Variants in SLC4A4 observed in about 807,000 individuals in gnomAD.
SLC4A4 encodes electrogenic sodium bicarbonate cotransporter 1.
SLC4A4 carries 27 observed loss-of-function variants against 111.5 expected under a neutral mutation model. The ratio of observed to expected loss-of-function variants is 0.24; its 90% CI spans 0.18 to 0.33. The LOEUF is 0.33. Ranked by LOEUF, SLC4A4 falls within the 10% of genes least tolerant of loss-of-function variation. The pLI is 1.00. For synonymous variants in SLC4A4, 443 were observed against 463.4 expected (o/e 0.96, Z 0.57); for missense variants, 909 against 1,315.5 (o/e 0.69, Z 4.78).
At chr4:71,527,917 A>G (rs1380766658) in intron 16 of SLC4A4, among the ~76,000 whole-genome samples, 2 of 152,076 alleles carry the variant, frequency 1.3e-5, no homozygotes, top group Non-Finnish European at 2.9e-5. Flanking sequence ...GAATATAGAT[A>G]GGAAAGAAGA....
intron 21 of SLC4A4, among the ~76,000 whole-genome samples, chr4:71,555,992 T>A (rs16846575): frequency 6.6e-6 from 1 of 151,852 alleles, no homozygotes; most frequent in African/African-American, 2.4e-5. Flanking sequence ...TTGTTAACTG[T>A]AGCCTTATTT....
chr4:71,196,577 G>T (rs1746009970), intron 1 of SLC4A4, among the ~76,000 whole-genome samples: 1 of 151,554 alleles, frequency 6.6e-6, no homozygotes, highest in African/African-American at 2.4e-5. Context: ...CCCTTTAATT[G>T]TTTCATATGT....
chr4:71,214,349 T>C (rs1322709609), intron 1 of SLC4A4, among the ~76,000 whole-genome samples: 1 of 152,168 alleles, frequency 6.6e-6, no homozygotes, highest in Non-Finnish European at 1.5e-5. Flanking sequence ...TTGTGGATTT[T>C]CTAGGATTTC....
chr4:71,565,632 A>G (rs568373322), intron 24 of SLC4A4, among the ~76,000 whole-genome samples: 48 of 151,874 alleles, frequency 3.2e-4, no homozygotes, highest in Non-Finnish European at 5.5e-4. Context: ...GGGCCCCAAC[A>G]GACCAAACCA....
chr4:71,389,515 T>G (rs554424026), intron 6 of SLC4A4, among the ~76,000 whole-genome samples: 1 of 152,330 alleles, frequency 6.6e-6, no homozygotes, highest in South Asian at 2.1e-4. Flanking sequence ...GAATTTCTCT[T>G]TTTCCTCTTT....
chr4:71,318,593 G>A (rs1011103102), intron 3 of SLC4A4, among the ~76,000 whole-genome samples: 1 of 151,984 alleles, frequency 6.6e-6, no homozygotes, highest in African/African-American at 2.4e-5. Flanking sequence ...TCAGAATTCT[G>A]TTTAGGGAAT....
rs997366577 is a variant in SLC4A4, at chr4:71,450,266, A to C, written c.1054-123A>C. 2.4e-5 allele frequency: 18 copies of C among 757,350 alleles called. No homozygotes were observed. In the African/African-American group the frequency reaches 2.9e-4, roughly 12 times the overall value. 46.9% of individuals were successfully genotyped at this position (757,350 alleles called of 1,614,324 possible). On this transcript the variant is annotated intron_variant, in intron 9 of 25. Transcript: ENST00000264485. ...GGCAGGCTGAATAATAGGGACTATC[A>C]GAGCATGGCTGGATTAATATTAATA...
intron 2 of SLC4A4, among the ~76,000 whole-genome samples, chr4:71,170,729 T>A (rs916588844): frequency 2.0e-5 from 3 of 152,176 alleles, no homozygotes; most frequent in Non-Finnish European, 4.4e-5. Context: ...AAGAAACATA[T>A]ACCAAAAGCC....
At chr4:71,174,857 T>G (rs1000181943) in intron 2 of SLC4A4, among the ~76,000 whole-genome samples, 3 of 152,184 alleles carry the variant, frequency 2.0e-5, no homozygotes, top group Non-Finnish European at 2.9e-5. Context: ...TGCTTCAACC[T>G]CCCAGATTTT....
chr4:71,351,204 TG>T (rs1729795498), intron 5 of SLC4A4, among the ~76,000 whole-genome samples: 1 of 152,238 alleles, frequency 6.6e-6, no homozygotes, highest in African/African-American at 2.4e-5. Context: ...TTGACACCAA[TG>T]TGACCTGACT....
intron 16 of SLC4A4, among the ~76,000 whole-genome samples, chr4:71,524,890 T>C (rs1733280873): frequency 1.3e-5 from 2 of 152,160 alleles, no homozygotes; most frequent in South Asian, 4.1e-4. Context: ...GTGCCTGTCG[T>C]TGTCCTTGTC....
chr4:71,106,594 T>TA (rs1417043486), intron 2 of SLC4A4, among the ~76,000 whole-genome samples: 8 of 145,892 alleles, frequency 5.5e-5, no homozygotes, highest in East Asian at 4.1e-4. Context: ...TATGCAGCCA[T>TA]AAAAAATGAT....
chr4:71,405,951 A>ACTTGTCCACCTGTCTGTTTCTT (rs6148510), intron 7 of SLC4A4, among the ~76,000 whole-genome samples: 1 of 151,830 alleles, frequency 6.6e-6, no homozygotes, highest in Non-Finnish European at 1.5e-5. Flanking sequence ...GTGGCCATAT[A>ACTTGTCCACCTGTCTGTTTCTT]CTTGCTTTGA....
intron 18 of SLC4A4, among the ~76,000 whole-genome samples, chr4:71,543,823 A>G (rs1347402316): frequency 1.3e-5 from 2 of 152,028 alleles, no homozygotes; most frequent in Non-Finnish European, 2.9e-5. Flanking sequence ...AAATTCTGTG[A>G]TGTCTCTACT....
chr4:71,423,009 A>G (rs1381211097), intron 7 of SLC4A4, among the ~76,000 whole-genome samples: 1 of 152,154 alleles, frequency 6.6e-6, no homozygotes, highest in Admixed American at 6.5e-5. Context: ...AGGAGAAGGA[A>G]ATAAAGGGTA....
chr4:71,176,588 G>C (rs1218711775), intron 2 of SLC4A4, among the ~76,000 whole-genome samples: 1 of 152,162 alleles, frequency 6.6e-6, no homozygotes, highest in Non-Finnish European at 1.5e-5. Context: ...AGTGATGGAA[G>C]CTCAAATGAA....
intron 7 of SLC4A4, among the ~76,000 whole-genome samples, chr4:71,400,620 C>A (rs1720269440): frequency 6.6e-6 from 1 of 152,124 alleles, no homozygotes; most frequent in South Asian, 2.1e-4. Context: ...CTCTTCCTAC[C>A]AGAGTTTGAA....
chr4:71,398,632 C>T (rs1720064097), intron 7 of SLC4A4, among the ~76,000 whole-genome samples: 1 of 151,944 alleles, frequency 6.6e-6, no homozygotes, highest in Non-Finnish European at 1.5e-5. Context: ...CATAGAAATC[C>T]TAAGACTGTT....
At position 71,090,449 on chromosome 4, in the gene SLC4A4, C is replaced by T. The variant is rs143954557; in HGVS notation, c.-64-2281C>T. 6.8e-3 allele frequency among the ~76,000 whole-genome samples: 1,039 copies of T among 152,238 alleles called. 14 individuals are homozygous for T. Among genetic ancestry groups the T allele is most frequent in the African/African-American group, 0.024 (994 of 41,534 alleles). ...CCCCAGTGAGATGAACCTGGTACCT[C>T]GGTTGGAAATGCAGAAATCACCCGT... On this transcript the variant is annotated intron_variant, in intron 1 of 26. Coordinates refer to the SLC4A4 transcript ENST00000649996.
Sources: allele counts gnomAD v4.1 joint callset (sites outside exome capture counted in the v4.1 genomes callset), GRCh38; gene constraint gnomAD v4.1.1; transcripts MANE v1.5; gene names NCBI Gene and HGNC (gene_info 2026-07-23, HGNC 2026-07-21).